RAB31: variants seen among roughly 807,000 people sequenced by gnomAD.
RAB31 encodes the protein ras-related protein Rab-31.
Under a neutral mutation model 25.6 loss-of-function variants are expected in RAB31, and 21 were observed. That is an observed-to-expected ratio of 0.82 (90% CI 0.58 to 1.18). The LOEUF (loss-of-function observed/expected upper bound fraction) is 1.18. Ranked by LOEUF, RAB31 falls within the 50% of genes most tolerant of loss-of-function variation. RAB31 has a pLI of 0.00. For synonymous variants in RAB31, 87 were observed against 84.0 expected (o/e 1.04, Z -0.20); for missense variants, 196 against 250.1 (o/e 0.78, Z 1.46).
At chr18:9,802,326 A>T (rs78737340) in intron 3 of RAB31, among the ~76,000 whole-genome samples, 2,556 of 152,278 alleles carry the variant, frequency 0.017, 66 homozygotes, top group African/African-American at 0.058. Flanking sequence ...CTGTCTTTCA[A>T]CTCTTTGGAA....
At chr18:9,837,578 C>T (rs4485437) in intron 5 of RAB31, among the ~76,000 whole-genome samples, 19,427 of 152,072 alleles carry the variant, frequency 0.13, 1,617 homozygotes, top group East Asian at 0.45. Flanking sequence ...GGCTAGGTTC[C>T]ATAATATGCA....
chr18:9,814,479 G>A (rs1024456290), intron 4 of RAB31, among the ~76,000 whole-genome samples: 1 of 152,184 alleles, frequency 6.6e-6, no homozygotes, highest in African/African-American at 2.4e-5. Context: ...ATCTTTGTGT[G>A]TGTATATATA....
chr18:9,776,854 G>A (rs895062121), intron 2 of RAB31, among the ~76,000 whole-genome samples: 1 of 152,108 alleles, frequency 6.6e-6, no homozygotes, highest in Non-Finnish European at 1.5e-5. Flanking sequence ...CTCCAAGGAT[G>A]CTTGCTGTGC....
chr18:9,770,755 G>A (rs561413687), intron 1 of RAB31, among the ~76,000 whole-genome samples: 13 of 152,168 alleles, frequency 8.5e-5, no homozygotes, highest in South Asian at 2.1e-4. Flanking sequence ...AGGCTGCAGC[G>A]GCTATCTTCA....
At chr18:9,715,466 G>C (rs2068039490) in intron 1 of RAB31, among the ~76,000 whole-genome samples, 2 of 146,762 alleles carry the variant, frequency 1.4e-5, no homozygotes, top group South Asian at 4.3e-4. Context: ...AAAGGACTAT[G>C]AATGTCCCCT....
rs185300514 is a variant in RAB31 at position 9,837,850 on chromosome 18, G to A, written c.381-7732G>A. Among the ~76,000 whole-genome samples the A allele has an allele frequency of 4.6e-5, 7 of 152,260 alleles. No homozygotes were observed. The South Asian group carries it at 6.2e-4, about 14-fold the overall frequency. ...TGTCAAGTTGGCTGATCTGGCCTGT[G>A]CTCCCCTCATGCTTCTATGGAATGT... On this transcript the variant is annotated intron_variant, in intron 5 of 6. Coordinates refer to ENST00000578921, the MANE Select transcript of RAB31 (RefSeq NM_006868.4).
chr18:9,777,289 C>T (rs7243242), intron 2 of RAB31, among the ~76,000 whole-genome samples: 81,097 of 152,056 alleles, frequency 0.53, 21,763 homozygotes, highest in African/African-American at 0.59. Flanking sequence ...TGTATCACTG[C>T]ACTCCAGCCT....
At chr18:9,774,787 C>T (rs1003161787) in intron 1 of RAB31, 1 of 500,560 alleles carries the variant, frequency 2.0e-6, no homozygotes, top group Admixed American at 2.1e-5. Context: ...AGTTATTACC[C>T]AACCATCAGA....
intron 5 of RAB31, 115 bp downstream of exon 5, chr18:9,815,337 C>A: frequency 3.1e-6 from 1 of 326,588 alleles, no homozygotes; most frequent in Non-Finnish European, 5.3e-6. Context: ...TGTCCTCCAT[C>A]CCTGAGTGTC....
chr18:9,781,285 C>T lies in RAB31; in HGVS notation c.119+5928C>T, dbSNP rs115996289. ...ATGTTTCTTTGTTAAAACAATTTTA[C>T]ATGATGGCAGCATGGTATTGTGTGC... On this transcript the variant is annotated intron_variant, in intron 2 of 6. Transcript: ENST00000578921. Among the ~76,000 whole-genome samples, 400 of 152,222 alleles carry T rather than the reference C, an allele frequency of 2.6e-3. 1 individual carries two copies. The highest frequency in any genetic ancestry group is 9.0e-3 in the African/African-American group (372 of 41,554).
chr18:9,733,166 T>C (rs939331137), intron 1 of RAB31, among the ~76,000 whole-genome samples: 5 of 152,216 alleles, frequency 3.3e-5, no homozygotes, highest in African/African-American at 4.8e-5. Flanking sequence ...ATCACTTCCA[T>C]TGGAGCTAAT....
intron 6 of RAB31, 131 bp from the exon 7 acceptor site, chr18:9,859,097 A>AG (rs2068833912): frequency 7.2e-6 from 5 of 689,708 alleles, no homozygotes; most frequent in Middle Eastern, 3.0e-4. Context: ...GGAAGGAGAA[A>AG]GGAGCCCCTC....
At chr18:9,808,581 T>A (rs529005200) in intron 3 of RAB31, among the ~76,000 whole-genome samples, 68 of 152,352 alleles carry the variant, frequency 4.5e-4, no homozygotes, top group Middle Eastern at 3.4e-3. Context: ...TGTTGAGAAT[T>A]TCAGGAATTT....
rs532407028 is a variant in RAB31 at position 9,770,853 on chromosome 18, T to C, written c.40-4425T>C. On this transcript the variant is annotated intron_variant, in intron 1 of 6. Transcript: ENST00000578921. ...TACTTGTGAGTTCTAGAAATTTGAC[T>C]TTTTTTTTTTTTTTTTTTGAGAAAT... Among the ~76,000 whole-genome samples, 9 of 75,394 alleles carry C rather than the reference T, an allele frequency of 1.2e-4. No individual in the cohort carries two copies. The East Asian group carries it at 3.0e-3, about 25-fold the overall frequency. The allele number at this position is 75,394 out of a possible 152,430, so 49.5% of individuals were successfully genotyped here.
chr18:9,749,119 T>A (rs934450892), intron 1 of RAB31, among the ~76,000 whole-genome samples: 3 of 152,200 alleles, frequency 2.0e-5, no homozygotes, highest in African/African-American at 7.2e-5. Context: ...GCATATGGCT[T>A]TTTTCACTTG....
chr18:9,823,269 G>A (rs537993139), intron 5 of RAB31, among the ~76,000 whole-genome samples: 13 of 152,214 alleles, frequency 8.5e-5, no homozygotes, highest in South Asian at 6.2e-4. Flanking sequence ...GGACGGGGAG[G>A]AAAGTGGGCA....
At chr18:9,808,236 GA>G (rs2068552142) in intron 3 of RAB31, among the ~76,000 whole-genome samples, 1 of 152,114 alleles carries the variant, frequency 6.6e-6, no homozygotes, top group Non-Finnish European at 1.5e-5. Context: ...GGGAAAAAAA[GA>G]AAAAGACACC....
intron 2 of RAB31, among the ~76,000 whole-genome samples, chr18:9,776,495 T>C (rs12970967): frequency 0.53 from 81,060 of 151,962 alleles, 21,739 homozygotes; most frequent in African/African-American, 0.59. Flanking sequence ...AACCCACATT[T>C]TGTAGATTAA....
At chr18:9,714,780 A>G (rs79727915) in intron 1 of RAB31, among the ~76,000 whole-genome samples, 4,119 of 152,236 alleles carry the variant, frequency 0.027, 94 homozygotes, top group Middle Eastern at 0.092. Context: ...GATGGCAGTG[A>G]TTGTTGCCTT....
Sources: gnomAD v4.1 joint callset for allele counts (sites outside exome capture counted in the v4.1 genomes callset) on GRCh38, gnomAD v4.1.1 for gene constraint, MANE v1.5 for transcripts, NCBI Gene and HGNC (gene_info 2026-07-23, HGNC 2026-07-21) for gene names.